The following FREM2 variants were observed in gnomAD, a reference collection of about 807,000 sequenced individuals.
FREM2 encodes the protein FRAS1-related extracellular matrix protein 2.
Under a neutral mutation model 219.9 loss-of-function variants are expected in FREM2, and 119 were observed. That is an observed-to-expected ratio of 0.54 (90% CI 0.47 to 0.63). The LOEUF (loss-of-function observed/expected upper bound fraction) is 0.63, where lower values mean the gene tolerates loss of function less well. Ranked by LOEUF, FREM2 falls within the 30% of genes least tolerant of loss-of-function variation. The pLI, the probability that FREM2 is intolerant of heterozygous loss-of-function variation, is 0.00. For missense variants in FREM2, 4,030 were observed against 3,993.6 expected (o/e 1.01, Z -0.25); for synonymous variants, 1,562 against 1,522.8 (o/e 1.03, Z -0.60).
chr13:38,880,140 C>G, intron 23 of FREM2, 144 bp from the exon 24 acceptor site: 1 of 862,940 alleles, frequency 1.2e-6, no homozygotes, highest in South Asian at 1.4e-5. Context: ...GCACCTAGTA[C>G]TCATTCAAAA....
At chr13:38,813,649 T>A (rs1875635534) in intron 6 of FREM2, among the ~76,000 whole-genome samples, 1 of 146,206 alleles carries the variant, frequency 6.8e-6, no homozygotes, top group African/African-American at 2.5e-5. Context: ...CCTTTGAGAG[T>A]TTGATTATTA....
intron 16 of FREM2, among the ~76,000 whole-genome samples, chr13:38,868,915 A>G (rs1469663647): frequency 6.6e-6 from 1 of 152,208 alleles, no homozygotes; most frequent in Non-Finnish European, 1.5e-5. Flanking sequence ...TGTGCTTCAG[A>G]GGCTTCGTGG....
At chr13:38,701,173 A>G (rs1870328768) in intron 2 of FREM2, among the ~76,000 whole-genome samples, 1 of 152,066 alleles carries the variant, frequency 6.6e-6, no homozygotes, top group Non-Finnish European at 1.5e-5. Flanking sequence ...TGCTTATTGG[A>G]ATATTAGTAA....
rs907787742 is a variant in FREM2 at position 38,827,815 on chromosome 13, G to C, written c.6020-18758G>C. Among the ~76,000 whole-genome samples, 4 of 152,162 alleles carry C rather than the reference G, an allele frequency of 2.6e-5. No homozygotes were observed. In the East Asian group the frequency reaches 5.8e-4, roughly 22 times the overall value. ...ACAACACTGTGAAATGCTATAGACA[G>C]TTGGTAGAGTTGAACCTGTTAAAGA... On this transcript the variant is annotated intron_variant, in intron 6 of 23. Transcript: ENST00000280481.
intron 2 of FREM2, among the ~76,000 whole-genome samples, chr13:38,746,415 C>T (rs907823757): frequency 6.6e-6 from 1 of 152,072 alleles, no homozygotes; most frequent in African/African-American, 2.4e-5. Context: ...ATAAAAATGG[C>T]CACATTCCTA....
chr13:38,777,506 G>T (rs1489632766), intron 4 of FREM2, among the ~76,000 whole-genome samples: 2 of 152,180 alleles, frequency 1.3e-5, no homozygotes, highest in East Asian at 3.8e-4. Context: ...ACATACGTGT[G>T]CCTCAGAGGT....
At chr13:38,781,646 G>T (rs1338659794) in intron 4 of FREM2, among the ~76,000 whole-genome samples, 1 of 152,076 alleles carries the variant, frequency 6.6e-6, no homozygotes, top group Non-Finnish European at 1.5e-5. Context: ...TTCTTAAAAT[G>T]GGGGCTTTTT....
chr13:38,714,249 C>T (rs1026430355), intron 2 of FREM2, among the ~76,000 whole-genome samples: 1 of 152,208 alleles, frequency 6.6e-6, no homozygotes, highest in Non-Finnish European at 1.5e-5. Flanking sequence ...CTGTATTAAT[C>T]AGTGGTTGAA....
chr13:38,763,434 CTG>C (rs775544181), intron 2 of FREM2, among the ~76,000 whole-genome samples: 44 of 139,886 alleles, frequency 3.1e-4, no homozygotes, highest in Non-Finnish European at 6.0e-4. Context: ...AGAATGAAAA[CTG>C]TGCCTCTAGC....
At chr13:38,809,755 G>A (rs1234008332) in intron 6 of FREM2, among the ~76,000 whole-genome samples, 1 of 151,912 alleles carries the variant, frequency 6.6e-6, no homozygotes, top group East Asian at 1.9e-4. Flanking sequence ...AATTTGAAGT[G>A]AGTTAATGTG....
chr13:38,697,206 T>C (rs1385837430), intron 1 of FREM2, among the ~76,000 whole-genome samples: 1 of 152,202 alleles, frequency 6.6e-6, no homozygotes, highest in Admixed American at 6.5e-5. Context: ...TCTCAAACTT[T>C]GGAGAGCTTA....
intron 12 of FREM2, 129 bp from the exon 13 acceptor site, chr13:38,857,746 T>C: frequency 1.3e-6 from 1 of 783,240 alleles, no homozygotes; most frequent in South Asian, 1.4e-5. Context: ...CTCCAGGGGC[T>C]CTGAGTATGA....
Position 38,837,775 on chromosome 13 carries a change from G to GTT in FREM2, c.6020-8795_6020-8794dup, listed in dbSNP as rs1555270912. ...GGATTGCAACCCCTGGTTTTTTTTTGTTTTGTTTTGTTTTGTTTTTGCTTT... is the reference window on the plus strand; with the variant it reads ...GGATTGCAACCCCTGGTTTTTTTTTGTTTTTTGTTTTGTTTTGTTTTTGCTTT... On this transcript the variant is annotated intron_variant, in intron 6 of 23. Coordinates refer to ENST00000280481, the MANE Select transcript of FREM2 (RefSeq NM_207361.6). Among the ~76,000 whole-genome samples, 193 of 128,744 alleles carry GTT rather than the reference G, an allele frequency of 1.5e-3. 2 individuals carry two copies. Among genetic ancestry groups the GTT allele is most frequent in the African/African-American group, 5.2e-3 (178 of 34,078 alleles). 84.5% of individuals were successfully genotyped at this position (128,744 alleles called of 152,430 possible).
chr13:38,870,896 T>C (rs1403831511), intron 16 of FREM2, among the ~76,000 whole-genome samples: 1 of 152,238 alleles, frequency 6.6e-6, no homozygotes, highest in East Asian at 1.9e-4. Flanking sequence ...TTAGCACCTA[T>C]AAAGCTTAAT....
intron 2 of FREM2, among the ~76,000 whole-genome samples, chr13:38,707,703 G>C (rs1215449918): frequency 6.6e-6 from 1 of 152,162 alleles, no homozygotes; most frequent in African/African-American, 2.4e-5. Context: ...TTCAGAAATT[G>C]AAAATAAAGT....
At chr13:38,855,763 A>G (rs1242029032) in intron 11 of FREM2, among the ~76,000 whole-genome samples, 1 of 152,144 alleles carries the variant, frequency 6.6e-6, no homozygotes, top group Non-Finnish European at 1.5e-5. Flanking sequence ...GTGTAAGACT[A>G]CAAATTGGGT....
intron 1 of FREM2, among the ~76,000 whole-genome samples, chr13:38,693,328 G>C (rs1255914420): frequency 2.0e-5 from 3 of 152,222 alleles, no homozygotes; most frequent in African/African-American, 7.2e-5. Context: ...TCATCATTGT[G>C]AACCTCCTCT....
Position 38,688,575 on chromosome 13 carries a change from G to A in FREM2, c.1231G>A (p.Glu411Lys), listed in dbSNP as rs1324418611. The A allele has an allele frequency of 1.2e-6, 2 of 1,613,554 alleles. No individual in the cohort carries two copies. Among genetic ancestry groups the A allele is most frequent in the African/African-American group, 2.7e-5 (2 of 74,898 alleles). The change falls in exon 1 of 24, where the codon GAA (glutamate) becomes AAA (lysine). Residue 411 changes from glutamate (E) to lysine (K), a missense_variant. Glu to Lys is a moderately conservative substitution (Grantham distance 56). This residue lies in a region of FREM2 where 3,102 missense variants were observed against 2,950.7 expected (regional missense o/e 1.05). Coordinates refer to ENST00000280481, the MANE Select transcript of FREM2 (RefSeq NM_207361.6). Reference protein sequence around the residue: ...DSDQERLFELELEVVDLEGAA... With the variant: ...DSDQERLFELKLEVVDLEGAA... ...TGACCAGGAGCGCCTCTTTGAACTG[G>A]AATTGGAGGTAGTGGATCTAGAAGG...
intron 6 of FREM2, among the ~76,000 whole-genome samples, chr13:38,810,760 A>C (rs1004822902): frequency 3.3e-5 from 5 of 151,992 alleles, no homozygotes; most frequent in African/African-American, 1.2e-4. Flanking sequence ...TTCATCAGAG[A>C]TATTAGCCCA....
Sources: allele counts gnomAD v4.1 joint callset (sites outside exome capture counted in the v4.1 genomes callset), GRCh38; gene constraint gnomAD v4.1.1; regional missense constraint gnomAD v4.1.1; transcripts MANE v1.5; gene names NCBI Gene and HGNC (gene_info 2026-07-23, HGNC 2026-07-21).